NRG1: variants seen among roughly 807,000 people sequenced by gnomAD.
The protein encoded by NRG1 is neuregulin 1.
A neutral mutation model predicts 63.8 loss-of-function variants in NRG1; 18 were observed. The ratio of observed to expected loss-of-function variants is 0.28; its 90% CI spans 0.19 to 0.42. The LOEUF (loss-of-function observed/expected upper bound fraction) is 0.42. NRG1 is among the 10% of genes least tolerant of loss of function. NRG1 has a pLI of 1.00. For synonymous variants in NRG1, 302 were observed against 301.3 expected (o/e 1.00, Z -0.02); for missense variants, 762 against 814.7 (o/e 0.94, Z 0.79).
At chr8:32,608,055 T>C (rs1243778096) in intron 3 of NRG1, among the ~76,000 whole-genome samples, 1 of 151,512 alleles carries the variant, frequency 6.6e-6, no homozygotes, top group East Asian at 1.9e-4. Context: ...ACAGAGATAT[T>C]TAACAGCAAA....
chr8:32,176,900 C>T (rs1196057116), intron 1 of NRG1, among the ~76,000 whole-genome samples: 2 of 152,066 alleles, frequency 1.3e-5, no homozygotes, highest in Non-Finnish European at 2.9e-5. Context: ...CTAGTTCAAC[C>T]ACTGTGGAAG....
intron 1 of NRG1, among the ~76,000 whole-genome samples, chr8:31,689,120 G>T (rs143750173): frequency 7.8e-4 from 119 of 152,210 alleles, no homozygotes; most frequent in African/African-American, 2.8e-3. Context: ...ATTTCATGGG[G>T]CCCACCCAGA....
intron 1 of NRG1, among the ~76,000 whole-genome samples, chr8:32,397,198 T>C (rs1305648871): frequency 6.6e-6 from 1 of 152,214 alleles, no homozygotes; most frequent in Admixed American, 6.5e-5. Flanking sequence ...AATTTTTCTA[T>C]ATATTTTCTC....
At chr8:32,240,683 C>T (rs1848009811) in intron 1 of NRG1, among the ~76,000 whole-genome samples, 1 of 151,848 alleles carries the variant, frequency 6.6e-6, no homozygotes, top group Non-Finnish European at 1.5e-5. Flanking sequence ...TAACATTGTA[C>T]TATTGTCCTG....
chr8:32,243,486 A>T (rs950255075), intron 1 of NRG1, among the ~76,000 whole-genome samples: 2 of 151,588 alleles, frequency 1.3e-5, no homozygotes, highest in African/African-American at 4.9e-5. Flanking sequence ...ACCCTATGGA[A>T]CTCATTTTAA....
Position 32,463,874 on chromosome 8 carries a change from C to CTTTTTTTTT in NRG1, c.38-131923_38-131915dup, listed in dbSNP as rs756489856. On this transcript the variant is annotated intron_variant, in intron 1 of 10. Transcript: ENST00000519301. ...ACACACACGAAAAAAACTTAGAATT[C>CTTTTTTTTT]TTTTTTTTTTTTTTTTTTTTTTTTT... is the stretch of plus-strand genomic sequence containing the variant. Among the ~76,000 whole-genome samples the CTTTTTTTTT allele has an allele frequency of 3.0e-3, 126 of 42,348 alleles. 21 individuals are homozygous for CTTTTTTTTT. Among genetic ancestry groups the CTTTTTTTTT allele is most frequent in the East Asian group, 8.3e-3 (7 of 840 alleles). The allele number at this position is 42,348 out of a possible 152,430, so 27.8% of individuals were successfully genotyped here.
chr8:32,656,016 G>A (rs771342760), intron 5 of NRG1, among the ~76,000 whole-genome samples: 2 of 151,974 alleles, frequency 1.3e-5, no homozygotes, highest in African/African-American at 4.8e-5. Context: ...GGGAATTAAC[G>A]TCTATGAGTT....
intron 1 of NRG1, among the ~76,000 whole-genome samples, chr8:31,762,557 A>C (rs1172815116): frequency 6.6e-6 from 1 of 152,172 alleles, no homozygotes; most frequent in Non-Finnish European, 1.5e-5. Context: ...ATGTATATAT[A>C]CCCAGTAATG....
chr8:31,852,548 A>G (rs1485169229), intron 1 of NRG1, among the ~76,000 whole-genome samples: 1 of 151,456 alleles, frequency 6.6e-6, no homozygotes, highest in East Asian at 1.9e-4. Context: ...ATTTTCTCCC[A>G]TTTTGTAGGT....
chr8:31,993,535 G>T (rs1480600747), intron 1 of NRG1, among the ~76,000 whole-genome samples: 5 of 151,884 alleles, frequency 3.3e-5, no homozygotes, highest in Non-Finnish European at 7.4e-5. Flanking sequence ...TTTATAAAAG[G>T]CAGTTCCCCT....
intron 1 of NRG1, among the ~76,000 whole-genome samples, chr8:32,005,931 T>A (rs1256479925): frequency 6.6e-6 from 1 of 152,016 alleles, no homozygotes; most frequent in African/African-American, 2.4e-5. Flanking sequence ...AGAAGTTTCT[T>A]TGTTCTAGTT....
intron 1 of NRG1, among the ~76,000 whole-genome samples, chr8:31,924,150 C>T (rs950509408): frequency 1.3e-4 from 19 of 151,542 alleles, no homozygotes; most frequent in Admixed American, 2.6e-4. Flanking sequence ...ATCAGGAGTT[C>T]GAGACCAGCC....
chr8:32,098,459 A>G (rs1830160030), intron 1 of NRG1, among the ~76,000 whole-genome samples: 1 of 152,218 alleles, frequency 6.6e-6, no homozygotes, highest in Admixed American at 6.5e-5. Context: ...GACAGGATAC[A>G]AGAAATCCCA....
intron 5 of NRG1, among the ~76,000 whole-genome samples, chr8:32,638,679 T>A (rs1851784165): frequency 6.6e-6 from 1 of 152,194 alleles, no homozygotes; most frequent in South Asian, 2.1e-4. Context: ...ACCTATTGTA[T>A]AATTTATGGT....
chr8:32,206,316 G>A (rs1844057498), intron 1 of NRG1, among the ~76,000 whole-genome samples: 1 of 152,036 alleles, frequency 6.6e-6, no homozygotes, highest in African/African-American at 2.4e-5. Context: ...CTCTCGTGAA[G>A]CATTCCAAAG....
At chr8:32,355,626 C>T (rs911901969) in intron 1 of NRG1, among the ~76,000 whole-genome samples, 1 of 151,466 alleles carries the variant, frequency 6.6e-6, no homozygotes, top group Non-Finnish European at 1.5e-5. Flanking sequence ...CCACCCATCC[C>T]CCCTCAAATA....
rs544998465 is a variant in NRG1 at position 32,350,338 on chromosome 8, G to C, written c.38-245490G>C. Among the ~76,000 whole-genome samples the C allele has an allele frequency of 5.3e-5, 8 of 152,250 alleles. No individual in the cohort carries two copies. The South Asian group carries it at 8.3e-4, about 16-fold the overall frequency. On this transcript the variant is annotated intron_variant, in intron 1 of 10. Coordinates refer to the NRG1 transcript ENST00000519301. ...TAAAGAGTTTTGTTCTCCGGTATCA[G>C]GAGTTGGCCACAAATGCTTTCTCTA...
At chr8:32,736,890 C>T (rs1443710984) in intron 6 of NRG1, among the ~76,000 whole-genome samples, 2 of 151,682 alleles carry the variant, frequency 1.3e-5, no homozygotes, top group Non-Finnish European at 2.9e-5. Context: ...CTAGAATCTC[C>T]ACCAAGAAAA....
chr8:32,044,029 T>TG (rs1344281672), intron 1 of NRG1, among the ~76,000 whole-genome samples: 1 of 151,666 alleles, frequency 6.6e-6, no homozygotes, highest in African/African-American at 2.4e-5. Context: ...TAAAGAAAAA[T>TG]GTATGATGCA....
Sources: gnomAD v4.1 joint callset for allele counts (sites outside exome capture counted in the v4.1 genomes callset) on GRCh38, gnomAD v4.1.1 for gene constraint, MANE v1.5 for transcripts, NCBI Gene and HGNC (gene_info 2026-07-23, HGNC 2026-07-21) for gene names.